DERA: variants seen among roughly 807,000 people sequenced by gnomAD.
The protein encoded by DERA is 2-deoxy-D-ribose 5-phosphate aldolase.
Under a neutral mutation model 41.1 loss-of-function variants are expected in DERA, and 15 were observed. The ratio of observed to expected loss-of-function variants is 0.37; its 90% confidence interval spans 0.24 to 0.56. DERA has a LOEUF of 0.56. Among genes scored for constraint, DERA ranks in the 20% least tolerant of loss-of-function variants. The probability of loss-of-function intolerance (pLI) is 0.81; values close to 1 mark genes in which losing one functional copy is unlikely to be tolerated. For missense variants in DERA, 396 were observed against 403.4 expected, an observed-to-expected ratio of 0.98 and a Z score of 0.16; for synonymous variants, 139 against 137.4, an observed-to-expected ratio of 1.01 and a Z score of -0.08.
intron 5 of DERA, among the ~76,000 whole-genome samples, chr12:15,979,646 G>T (rs1948720408): frequency 6.6e-6 from 1 of 152,192 alleles, no homozygotes; most frequent in Admixed American, 6.5e-5. Context: ...CTGTTATGTG[G>T]TAAAATAGGC....
chr12:15,947,340 C>G (rs1480219932), intron 1 of DERA, among the ~76,000 whole-genome samples: 1 of 152,132 alleles, frequency 6.6e-6, no homozygotes, highest in Non-Finnish European at 1.5e-5. Context: ...GTGTGGGAGT[C>G]TGAGTCTCTT....
chr12:15,962,831 C>T lies in DERA; in HGVS notation c.392C>T (p.Ala131Val), dbSNP rs375813770. 3 of 1,550,914 alleles carry T rather than the reference C, an allele frequency of 1.9e-6. No homozygotes were observed. The highest frequency in any genetic ancestry group is 1.2e-5 in the South Asian group (1 of 83,314). ...CTATTAGTGGCCGCTGGATTTCCAG[C>T]TGGACAGACTCATTTGAAGACACGA... ...PVASVAAGFP[A>V]GQTHLKTRLE... The change falls in exon 5 of 9, where the codon GCT becomes GTT. Residue 131 changes from alanine (A) to valine (V), a missense_variant. Transcript: ENST00000428559.
Position 15,961,962 on chromosome 12 carries a change from T to G in DERA, c.374-851T>G, listed in dbSNP as rs141104959. ...TTTCACCATGTTGACCAGGCTAGTC[T>G]CAACCTCTTCACCTCGGATGATCCG... On this transcript the variant is annotated intron_variant, in intron 4 of 8. Transcript: ENST00000428559. Among the ~76,000 whole-genome samples the G allele has an allele frequency of 2.6e-3, 401 of 152,318 alleles. 4 individuals carry two copies. The highest frequency in any genetic ancestry group is 9.2e-3 in the African/African-American group (382 of 41,562).
At position 15,924,806 on chromosome 12, in the gene DERA, A is replaced by C. The variant is rs2136126665; in HGVS notation, c.31+13392A>C. 6.6e-6 allele frequency among the ~76,000 whole-genome samples: 1 copy of C among 152,206 alleles called. No individual in the cohort carries two copies. The highest frequency in any genetic ancestry group is 2.1e-4 in the South Asian group (1 of 4,818). On this transcript the variant is annotated intron_variant, in intron 1 of 8. Coordinates refer to ENST00000428559, the MANE Select transcript of DERA (RefSeq NM_015954.4). This position sits in a 1 kb window ranked among gnomAD's most constrained non-coding sequence, Gnocchi z 5.0. ...GGTCTCCTCTGCTAGACTTTTCAAC[A>C]CTGATCTGCTAAGATACTTTGCCTT...
intron 7 of DERA, among the ~76,000 whole-genome samples, chr12:16,033,362 C>T (rs1420054419): frequency 6.6e-6 from 1 of 152,140 alleles, no homozygotes; most frequent in Non-Finnish European, 1.5e-5. Context: ...GTTGGATGTG[C>T]TCTTTGGAAG....
In DERA at chr12:15,941,552, G is replaced by C. The variant is rs1406033059; in HGVS notation, c.32-15384G>C. Among the ~76,000 whole-genome samples the C allele has an allele frequency of 6.6e-6, 1 of 152,038 alleles. No homozygotes were observed. Among genetic ancestry groups the C allele is most frequent in the Non-Finnish European group, 1.5e-5 (1 of 68,026 alleles). ...CCTATTCTCTCCCGCTGAATCCTCA[G>C]AGTTCGCTATATCATCCTTATGCCT... On this transcript the variant is annotated intron_variant, in intron 1 of 8. Transcript: ENST00000428559. This position sits in a 1 kb window ranked among gnomAD's most constrained non-coding sequence, Gnocchi z 4.5.
chr12:15,936,744 T>G lies in DERA; in HGVS notation c.32-20192T>G, dbSNP rs1454185656. Among the ~76,000 whole-genome samples the G allele has an allele frequency of 6.6e-6, 1 of 152,234 alleles. No individual in the cohort carries two copies. The highest frequency in any genetic ancestry group is 1.9e-4 in the East Asian group (1 of 5,196). On this transcript the variant is annotated intron_variant, in intron 1 of 8. Coordinates refer to ENST00000428559, the MANE Select transcript of DERA (RefSeq NM_015954.4). The surrounding 1 kb of genome is among the most constrained non-coding windows in gnomAD (Gnocchi z 4.6). ...CTTTAGAGCAGAACTCCCTTTTTAGTATCATTATACTGGGTTATGTTTTGT... is the reference window on the plus strand; with the variant it reads ...CTTTAGAGCAGAACTCCCTTTTTAGGATCATTATACTGGGTTATGTTTTGT...
rs10523539 is a variant in DERA, at chr12:15,919,970, A to ATGTGTG, written c.31+8574_31+8579dup. On this transcript the variant is annotated intron_variant, in intron 1 of 8. Transcript: ENST00000428559. ...GACTGCCCCACAGCCTGAGAAAGAA[A>ATGTGTG]TGTGTGTGTGTGTGTGTGTGTGTCT... Among the ~76,000 whole-genome samples, 1,112 of 148,246 alleles carry ATGTGTG rather than the reference A, an allele frequency of 7.5e-3. 13 individuals carry two copies. Among genetic ancestry groups the ATGTGTG allele is most frequent in the African/African-American group, 0.026 (1,061 of 40,506 alleles).
rs1201902385 is a variant in DERA at position 15,918,216 on chromosome 12, C to A, written c.31+6802C>A. Reference sequence around the variant, plus strand: ...CTTCCTCATCCCGCTGGTGCTTGGTCCCCCACAGCAGGCTGCTGCCTACAC... The same window carrying A: ...CTTCCTCATCCCGCTGGTGCTTGGTACCCCACAGCAGGCTGCTGCCTACAC... On this transcript the variant is annotated intron_variant, in intron 1 of 8. Transcript: ENST00000428559. This position sits in a 1 kb window ranked among gnomAD's most constrained non-coding sequence, Gnocchi z 4.3. Among the ~76,000 whole-genome samples the A allele has an allele frequency of 6.6e-6, 1 of 152,200 alleles. No homozygotes were observed. The highest frequency in any genetic ancestry group is 1.5e-5 in the Non-Finnish European group (1 of 68,028).
At chr12:15,949,517 C>A (rs1948480394) in intron 1 of DERA, among the ~76,000 whole-genome samples, 1 of 152,170 alleles carries the variant, frequency 6.6e-6, no homozygotes, top group South Asian at 2.1e-4. Context: ...GATATAATCT[C>A]CTGGTGTGCC....
chr12:16,031,286 G>A (rs761091485), intron 6 of DERA, among the ~76,000 whole-genome samples: 7 of 152,184 alleles, frequency 4.6e-5, no homozygotes, highest in Non-Finnish European at 8.8e-5. Flanking sequence ...TGAATTTTTT[G>A]TATTTATATT....
chr12:15,972,649 C>T lies in DERA; in HGVS notation c.509-9659C>T. 5.7e-6 allele frequency: 1 copy of T among 175,886 alleles called. No homozygotes were observed. Among genetic ancestry groups the T allele is most frequent in the Non-Finnish European group, 1.2e-5 (1 of 81,058 alleles). 10.9% of individuals were successfully genotyped at this position (175,886 alleles called of 1,614,324 possible). A position where few individuals can be genotyped will look rare whatever the true frequency, so the allele number is the denominator to read the frequency against. ...AGAAGTCGGGGACCTCCAGCGTGCA[C>T]CCAGAGAGGGAACGATGTATGTGAT... On this transcript the variant is annotated intron_variant, in intron 5 of 8. Coordinates refer to ENST00000428559, the MANE Select transcript of DERA (RefSeq NM_015954.4). The surrounding 1 kb of genome is among the most constrained non-coding windows in gnomAD (Gnocchi z 4.4).
At chr12:15,948,940 C>G (rs1468649984) in intron 1 of DERA, among the ~76,000 whole-genome samples, 1 of 152,224 alleles carries the variant, frequency 6.6e-6, no homozygotes, top group Admixed American at 6.5e-5. Context: ...AGCTGCAGGT[C>G]TGTTGGAGTT....
Position 16,012,336 on chromosome 12 carries a change from T to G in DERA, c.638-20206T>G, listed in dbSNP as rs1948952101. 6.6e-6 allele frequency among the ~76,000 whole-genome samples: 1 copy of G among 152,200 alleles called. No homozygotes were observed. Among genetic ancestry groups the G allele is most frequent in the African/African-American group, 2.4e-5 (1 of 41,454 alleles). ...GCCAGCCAGCTGGGCAGTTTCCCAG[T>G]GTGCTAATCTCTAAGAGACATTGAA... On this transcript the variant is annotated intron_variant, in intron 6 of 8. Transcript: ENST00000428559. The surrounding 1 kb of genome is among the most constrained non-coding windows in gnomAD (Gnocchi z 4.1).
rs113331171 is a variant in DERA, at chr12:16,036,915, G to A, written c.*169G>A. The A allele has an allele frequency of 1.7e-6, 1 of 594,398 alleles. No homozygotes were observed. The allele number at this position is 594,398 out of a possible 1,614,324, so 36.8% of individuals were successfully genotyped here. On this transcript the variant is annotated 3_prime_UTR_variant, in exon 9 of 9. Transcript: ENST00000428559. The surrounding 1 kb of genome is among the most constrained non-coding windows in gnomAD (Gnocchi z 4.9). ...ATGGAAAAAGCAAACTCATCCACATGTGGTACTCATTTCAGGCACATCTGA... is the reference window on the plus strand; with the variant it reads ...ATGGAAAAAGCAAACTCATCCACATATGGTACTCATTTCAGGCACATCTGA...
In DERA at chr12:16,026,347, AGAAG is replaced by A. The variant is rs1288233576; in HGVS notation, c.638-6193_638-6190del. Reference sequence around the variant, plus strand: ...ATAAATTACCCATATCGGAAATGAAAGAAGGGTCATCTCCTCTTCCCATGGATAT... The same window carrying A: ...ATAAATTACCCATATCGGAAATGAAAGGTCATCTCCTCTTCCCATGGATAT... On this transcript the variant is annotated intron_variant, in intron 6 of 8. Coordinates refer to ENST00000428559, the MANE Select transcript of DERA (RefSeq NM_015954.4). The surrounding 1 kb of genome is among the most constrained non-coding windows in gnomAD (Gnocchi z 4.4). Among the ~76,000 whole-genome samples, 2 of 151,874 alleles carry A rather than the reference AGAAG, an allele frequency of 1.3e-5. No individual in the cohort carries two copies. The highest frequency in any genetic ancestry group is 4.8e-5 in the African/African-American group (2 of 41,400).
chr12:15,970,020 T>C lies in DERA; in HGVS notation c.508+7073T>C, dbSNP rs1948649559. The stretch of plus-strand genomic sequence containing the variant: ...ATACTATTGATAAAAATGTGCATCT[T>C]ATCTCTTGTAGGTTATTATAATATC... On this transcript the variant is annotated intron_variant, in intron 5 of 8. Coordinates refer to ENST00000428559, the MANE Select transcript of DERA (RefSeq NM_015954.4). The surrounding 1 kb of genome is among the most constrained non-coding windows in gnomAD (Gnocchi z 4.3). Among the ~76,000 whole-genome samples the C allele has an allele frequency of 6.6e-6, 1 of 152,238 alleles. No individual in the cohort carries two copies. The highest frequency in any genetic ancestry group is 1.5e-5 in the Non-Finnish European group (1 of 68,036).
rs1948520568 is a variant in DERA at position 15,954,246 on chromosome 12, T to G, written c.32-2690T>G. Among the ~76,000 whole-genome samples, 1 of 152,246 alleles carries G rather than the reference T, an allele frequency of 6.6e-6. No homozygotes were observed. Among genetic ancestry groups the G allele is most frequent in the South Asian group, 2.1e-4 (1 of 4,836 alleles). On this transcript the variant is annotated intron_variant, in intron 1 of 8. Transcript: ENST00000428559. This position sits in a 1 kb window ranked among gnomAD's most constrained non-coding sequence, Gnocchi z 4.0. ...ACATTGCCCAGAATTAAATCCTTTC[T>G]GGTCTTTGGGAACCACTCGACTTAT...
At chr12:16,024,126 A>C (rs1027296671) in intron 6 of DERA, among the ~76,000 whole-genome samples, 4 of 152,190 alleles carry the variant, frequency 2.6e-5, no homozygotes, top group Non-Finnish European at 2.9e-5. Context: ...GGGAAGAAAA[A>C]CCCCCACAGA....
Sources: gnomAD v4.1 joint callset for allele counts (sites outside exome capture counted in the v4.1 genomes callset) on GRCh38, gnomAD v4.1.1 for gene constraint, Gnocchi (gnomAD v3.1) non-coding constraint, MANE v1.5 for transcripts, NCBI Gene and HGNC (gene_info 2026-07-23, HGNC 2026-07-21) for gene names.